The following SHCBP1L variants were observed in gnomAD, a reference collection of about 807,000 sequenced individuals.
SHCBP1L encodes SHC binding and spindle associated 1 like, also known as testicular spindle-associated protein SHCBP1L.
Under a neutral mutation model 62.5 loss-of-function variants are expected in SHCBP1L, and 67 were observed. That is an observed-to-expected ratio of 1.07 (90% CI 0.88 to 1.31). The LOEUF is 1.31. Among genes scored for constraint, SHCBP1L ranks in the 40% most tolerant of loss-of-function variants. The pLI is 0.00. For missense variants in SHCBP1L, 823 were observed against 809.8 expected (o/e 1.02, Z -0.20); for synonymous variants, 284 against 289.4 (o/e 0.98, Z 0.19).
intron 3 of SHCBP1L, 81 bp downstream of exon 3, chr1:182,940,248 T>C: frequency 8.3e-7 from 1 of 1,198,988 alleles, no homozygotes; most frequent in Non-Finnish European, 1.2e-6. Context: ...TAAGTGCTTG[T>C]AAAGCGATTA....
intron 9 of SHCBP1L, 41 bp downstream of exon 9, chr1:182,902,998 C>T: frequency 6.9e-7 from 1 of 1,453,274 alleles, no homozygotes; most frequent in Non-Finnish European, 9.2e-7. Context: ...TAATTACTTA[C>T]AATTCTTATA....
chr1:182,936,130 G>GTTTTTTTTTTTTTTTTTT (rs71127329), intron 5 of SHCBP1L, among the ~76,000 whole-genome samples: 71 of 63,922 alleles, frequency 1.1e-3, no homozygotes, highest in Non-Finnish European at 1.6e-3. Flanking sequence ...TTTGTTTTTT[G>GTTTTTTTTTTTTTTTTTT]TTTTTTTTTT....
At chr1:182,942,428 G>C (rs1384712428) in intron 2 of SHCBP1L, 1 of 694,770 alleles carries the variant, frequency 1.4e-6, no homozygotes, top group African/African-American at 1.8e-5. Flanking sequence ...GGCGCGTGCC[G>C]GGTGCCTGCG....
chr1:182,911,561 TTAACTC>T (rs1390299582), intron 6 of SHCBP1L, among the ~76,000 whole-genome samples: 2 of 152,164 alleles, frequency 1.3e-5, no homozygotes, highest in African/African-American at 4.8e-5. Flanking sequence ...GACAAAGACT[TTAACTC>T]TACTGTTTTA....
intron 5 of SHCBP1L, 124 bp from the exon 6 acceptor site, chr1:182,929,876 T>C (rs1650903092): frequency 3.2e-6 from 2 of 632,730 alleles, no homozygotes; most frequent in African/African-American, 1.9e-5. Flanking sequence ...TATAAGTTCC[T>C]TGAGAGCAAT....
At position 182,952,763 on chromosome 1, in the gene SHCBP1L, G is replaced by C; in HGVS notation, c.371C>G (p.Ser124Trp). Residue 124 changes from serine (S) to tryptophan (W), a missense_variant, in exon 1 of 10, where the codon TCG (serine) becomes TGG (tryptophan). Transcript: ENST00000367547. The part of the protein sequence containing the change: ...MRGMWRDEKV[S>W]LYCDEVLQDC... ...CTGCAGCACTTCGTCGCAATACAGC[G>C]ACACCTTCTCGTCCCGCCACATCCC... is the stretch of plus-strand genomic sequence containing the variant. 1 of 1,611,824 alleles carries C rather than the reference G, an allele frequency of 6.2e-7. No individual in the cohort carries two copies.
At chr1:182,904,112 T>C (rs1649925007) in intron 8 of SHCBP1L, 68 bp downstream of exon 8, 13 of 1,530,678 alleles carry the variant, frequency 8.5e-6, no homozygotes, top group Non-Finnish European at 1.1e-5. Flanking sequence ...CCTTTATTTG[T>C]ATATTAAGAT....
intron 6 of SHCBP1L, among the ~76,000 whole-genome samples, chr1:182,914,367 A>G (rs1431598779): frequency 1.3e-5 from 2 of 152,214 alleles, no homozygotes; most frequent in Non-Finnish European, 2.9e-5. Context: ...AGGCAGTATT[A>G]CTGTATTTTT....
intron 5 of SHCBP1L, among the ~76,000 whole-genome samples, chr1:182,930,897 T>TTC (rs1650977590): frequency 1.4e-5 from 2 of 145,802 alleles, no homozygotes; most frequent in Admixed American, 1.4e-4. Context: ...GGCTTTTTTT[T>TTC]TTTTTTTTTT....
intron 2 of SHCBP1L, among the ~76,000 whole-genome samples, chr1:182,950,833 G>T (rs960781492): frequency 6.6e-6 from 1 of 151,152 alleles, no homozygotes; most frequent in African/African-American, 2.4e-5. Flanking sequence ...TGCAAGCTCC[G>T]CCTCCTGGGT....
intron 5 of SHCBP1L, among the ~76,000 whole-genome samples, chr1:182,931,943 ATTTTTTTTTTTTTTT>A (rs1164377476): frequency 2.9e-5 from 2 of 69,654 alleles, no homozygotes; most frequent in Non-Finnish European, 2.6e-5. Context: ...GGAACCACTG[ATTTTTTTTTTTTTTT>A]TTTTTTTTTT....
intron 1 of SHCBP1L, among the ~76,000 whole-genome samples, chr1:182,952,155 CCA>C (rs1651764844): frequency 1.0e-4 from 2 of 19,076 alleles, no homozygotes; most frequent in African/African-American, 3.3e-4. Context: ...AACTCCGTCT[CCA>C]AAAAAAAAAA....
chr1:182,939,533 C>T lies in SHCBP1L; in HGVS notation c.791G>A (p.Trp264Ter). 6.2e-7 allele frequency: 1 copy of T among 1,602,482 alleles called. No individual in the cohort carries two copies. Among genetic ancestry groups the T allele is most frequent in the Non-Finnish European group, 8.5e-7 (1 of 1,175,896 alleles). Residue 264 changes from tryptophan to a stop codon, truncating the protein, a stop_gained, in exon 4 of 10, where the codon TGG becomes TAG. Transcript: ENST00000367547. LOFTEE classifies it high-confidence loss of function. ...EVVRFFYDFLWRDWDDEESCE... is the reference protein window; with the variant it reads ...EVVRFFYDFL The stretch of plus-strand genomic sequence containing the variant: ...ACTTTCTTCATCATCCCAGTCTCTC[C>T]AAAGAAAGTCATAAAAAAACCTACG...
rs2101919792 is a variant in SHCBP1L at position 182,905,542 on chromosome 1, A to G, written c.1290T>C (p.Tyr430=). The change falls in exon 7 of 10, where the codon TAT becomes TAC. Residue 430 remains tyrosine, a synonymous_variant. Transcript: ENST00000367547. ...TCAACAAAGCAAGATTTGCAGCTTG[A>G]TATTCTCCTGGAAAAATTATTACTG... ...GDTVIIFPGE[Y]QAANLALLTD... is the part of the protein sequence containing the mutation. 1 of 1,613,794 alleles carries G rather than the reference A, an allele frequency of 6.2e-7. No individual in the cohort carries two copies. Among genetic ancestry groups the G allele is most frequent in the East Asian group, 2.2e-5 (1 of 44,766 alleles).
chr1:182,903,808 T>C (rs1283386672), intron 8 of SHCBP1L, among the ~76,000 whole-genome samples: 1 of 152,158 alleles, frequency 6.6e-6, no homozygotes. Flanking sequence ...GTTTTTTATG[T>C]CCTGATTATT....
rs781370808 is a variant in SHCBP1L, at chr1:182,903,186, T to TA, written c.1588-26dup. 1.9e-5 allele frequency: 28 copies of TA among 1,500,208 alleles called. No homozygotes were observed. In the Admixed American group the frequency reaches 6.4e-4, roughly 34 times the overall value. 92.9% of individuals were successfully genotyped at this position (1,500,208 alleles called of 1,614,324 possible). On this transcript the variant is annotated intron_variant, in intron 8 of 9. Transcript: ENST00000367547. ...CCTGTAAATTAAAAGCAAATAAAAC[T>TA]ATCTACAAAATATATACACAAACCT...
intron 5 of SHCBP1L, among the ~76,000 whole-genome samples, chr1:182,931,525 G>T (rs1650995044): frequency 6.6e-6 from 1 of 152,072 alleles, no homozygotes; most frequent in African/African-American, 2.4e-5. Context: ...GTTTCCTCAT[G>T]CATCTTTGCA....
At chr1:182,913,358 A>T (rs1650250228) in intron 6 of SHCBP1L, among the ~76,000 whole-genome samples, 2 of 152,116 alleles carry the variant, frequency 1.3e-5, no homozygotes, top group Non-Finnish European at 2.9e-5. Context: ...GACACTATCT[A>T]CTGTATGCTG....
At chr1:182,938,393 C>T (rs1007475306) in intron 5 of SHCBP1L, among the ~76,000 whole-genome samples, 31 of 151,304 alleles carry the variant, frequency 2.0e-4, no homozygotes, top group South Asian at 2.1e-4. Context: ...CGTGAGCCAC[C>T]GCACCCAGCT....
Sources: allele counts gnomAD v4.1 joint callset (sites outside exome capture counted in the v4.1 genomes callset), GRCh38; gene constraint gnomAD v4.1.1; transcripts MANE v1.5; gene names NCBI Gene and HGNC (gene_info 2026-07-23, HGNC 2026-07-21).